Variants in INPP4B observed in about 807,000 individuals in gnomAD.
INPP4B encodes the protein inositol polyphosphate-4-phosphatase type II B, also known as inositol polyphosphate 4-phosphatase type II.
Under a neutral mutation model 122.5 loss-of-function variants are expected in INPP4B, and 55 were observed. The ratio of observed to expected loss-of-function variants is 0.45; its 90% CI spans 0.36 to 0.56. INPP4B has a LOEUF of 0.56. Ranked by LOEUF, INPP4B falls within the 20% of genes least tolerant of loss-of-function variation. The pLI is 0.00. For synonymous variants in INPP4B, 403 were observed against 388.7 expected (o/e 1.04, Z -0.43); for missense variants, 1,000 against 1,097.7 (o/e 0.91, Z 1.26).
intron 7 of INPP4B, among the ~76,000 whole-genome samples, chr4:142,345,732 T>C (rs1050032679): frequency 1.3e-5 from 2 of 152,046 alleles, no homozygotes; most frequent in African/African-American, 2.4e-5. Context: ...AATAGAGTTA[T>C]AGTAATTAAC....
At chr4:142,824,328 C>T (rs1468403263) in intron 1 of INPP4B, among the ~76,000 whole-genome samples, 3 of 152,016 alleles carry the variant, frequency 2.0e-5, no homozygotes, top group African/African-American at 7.2e-5. Flanking sequence ...ATCTCTATCT[C>T]TATCTCTATC....
intron 3 of INPP4B, among the ~76,000 whole-genome samples, chr4:142,446,375 A>G (rs529065497): frequency 6.6e-6 from 1 of 152,224 alleles, no homozygotes; most frequent in East Asian, 1.9e-4. Context: ...ACCATCAATA[A>G]GTAAATATTT....
At chr4:142,565,152 C>A (rs1731362279) in intron 2 of INPP4B, among the ~76,000 whole-genome samples, 1 of 152,068 alleles carries the variant, frequency 6.6e-6, no homozygotes, top group Non-Finnish European at 1.5e-5. Flanking sequence ...ATGAGCCCAG[C>A]TGATTCCCAG....
At chr4:142,049,910 A>C (rs966801474) in intron 25 of INPP4B, among the ~76,000 whole-genome samples, 2 of 151,986 alleles carry the variant, frequency 1.3e-5, no homozygotes, top group Non-Finnish European at 2.9e-5. Flanking sequence ...AATTTGTAAG[A>C]TACATTAAAA....
At chr4:142,462,001 A>C (rs1329213969) in intron 3 of INPP4B, among the ~76,000 whole-genome samples, 2 of 152,126 alleles carry the variant, frequency 1.3e-5, no homozygotes, top group South Asian at 2.1e-4. Context: ...ACCCGGCTTC[A>C]TTTATATCTG....
At chr4:142,393,919 C>T (rs1007416478) in intron 7 of INPP4B, among the ~76,000 whole-genome samples, 7 of 152,220 alleles carry the variant, frequency 4.6e-5, no homozygotes, top group Admixed American at 1.3e-4. Flanking sequence ...ATTCTGGGGG[C>T]TGCCTGATTC....
intron 15 of INPP4B, among the ~76,000 whole-genome samples, chr4:142,179,313 A>C (rs1829717002): frequency 6.6e-6 from 1 of 151,822 alleles, no homozygotes; most frequent in African/African-American, 2.4e-5. Flanking sequence ...TCTCTACTAA[A>C]ATACAAAAAA....
At chr4:142,492,806 G>A (rs1335346258) in intron 2 of INPP4B, among the ~76,000 whole-genome samples, 1 of 152,146 alleles carries the variant, frequency 6.6e-6, no homozygotes, top group East Asian at 1.9e-4. Context: ...AGAAATCCAA[G>A]CTTGCTGCAG....
chr4:142,646,613 A>C (rs570479516), intron 2 of INPP4B, among the ~76,000 whole-genome samples: 6 of 148,894 alleles, frequency 4.0e-5, no homozygotes, highest in African/African-American at 1.5e-4. Flanking sequence ...CCATTTATTA[A>C]AAAAATAATG....
At chr4:142,511,647 C>T (rs1182089944) in intron 2 of INPP4B, among the ~76,000 whole-genome samples, 2 of 152,200 alleles carry the variant, frequency 1.3e-5, no homozygotes, top group Non-Finnish European at 2.9e-5. Context: ...CAGACTGCCC[C>T]CCAGATCAAC....
chr4:142,405,069 G>C, intron 6 of INPP4B, 137 bp downstream of exon 6: 5 of 597,722 alleles, frequency 8.4e-6, no homozygotes, highest in Non-Finnish European at 1.5e-5. Context: ...TACAGACTAT[G>C]AACTAACTTA....
At chr4:142,129,321 A>G (rs1686406754) in intron 18 of INPP4B, among the ~76,000 whole-genome samples, 1 of 152,156 alleles carries the variant, frequency 6.6e-6, no homozygotes, top group Non-Finnish European at 1.5e-5. Flanking sequence ...TGCTTATAAA[A>G]TTTTTGTTGA....
At chr4:142,374,730 A>G (rs1429968028) in intron 7 of INPP4B, among the ~76,000 whole-genome samples, 1 of 151,644 alleles carries the variant, frequency 6.6e-6, no homozygotes, top group African/African-American at 2.4e-5. Flanking sequence ...AACACAATTT[A>G]CTCCCAACCA....
intron 12 of INPP4B, among the ~76,000 whole-genome samples, chr4:142,227,729 G>T (rs1446046674): frequency 6.6e-6 from 1 of 151,248 alleles, no homozygotes; most frequent in Non-Finnish European, 1.5e-5. Flanking sequence ...ATGGTGGTGG[G>T]CACCTGTAAT....
chr4:142,327,742 G>A (rs552674734), intron 7 of INPP4B, among the ~76,000 whole-genome samples: 8 of 152,080 alleles, frequency 5.3e-5, no homozygotes, highest in African/African-American at 9.7e-5. Flanking sequence ...CTCTTTCACC[G>A]CTCTACCTAA....
intron 2 of INPP4B, among the ~76,000 whole-genome samples, chr4:142,587,845 A>G (rs72726469): frequency 8.1e-4 from 124 of 152,188 alleles, no homozygotes; most frequent in Non-Finnish European, 1.4e-3. Context: ...TTATGACAGA[A>G]TTACTTTAAT....
At chr4:142,170,349 G>C (rs1045322305) in intron 16 of INPP4B, among the ~76,000 whole-genome samples, 7 of 151,624 alleles carry the variant, frequency 4.6e-5, no homozygotes, top group African/African-American at 1.7e-4. Flanking sequence ...GTGCATATTA[G>C]AACATGAAAC....
chr4:142,383,814 G>A (rs988335319), intron 7 of INPP4B: 1 of 415,638 alleles, frequency 2.4e-6, no homozygotes, highest in African/African-American at 2.0e-5. Context: ...TGAGAAGGGG[G>A]ATATAGAGGA....
intron 2 of INPP4B, among the ~76,000 whole-genome samples, chr4:142,716,239 T>A (rs1763744501): frequency 6.6e-6 from 1 of 152,178 alleles, no homozygotes; most frequent in South Asian, 2.1e-4. Flanking sequence ...TGCAAACTAA[T>A]CCATTGTCAT....
Sources: allele counts gnomAD v4.1 joint callset (sites outside exome capture counted in the v4.1 genomes callset), GRCh38; gene constraint gnomAD v4.1.1; transcripts MANE v1.5; gene names NCBI Gene and HGNC (gene_info 2026-07-23, HGNC 2026-07-21).